JADE3: variants seen among roughly 807,000 people sequenced by gnomAD.
The protein encoded by JADE3 is jade family PHD finger 3.
In JADE3, 2 loss-of-function variants were observed where a neutral mutation model predicts 50.1. That is an observed-to-expected ratio of 0.04 (90% confidence interval 0.02 to 0.13). The LOEUF (loss-of-function observed/expected upper bound fraction) is 0.13. JADE3 is among the 10% of genes least tolerant of loss of function. The probability of loss-of-function intolerance (pLI) is 1.00; values close to 1 mark genes in which losing one functional copy is unlikely to be tolerated. For missense variants in JADE3, 475 were observed against 634.4 expected (o/e 0.75, Z 2.70); for synonymous variants, 218 against 232.9 (o/e 0.94, Z 0.58).
chrX:46,985,749 G>A lies in JADE3; in HGVS notation c.83G>A (p.Arg28Lys). ...TCCTTTACTTCTGGCTCAATGTATA[G>A]GATCAAGTCAAAAATTCCAAATGAA... is the stretch of plus-strand genomic sequence containing the variant. ...STSFTSGSMY[R>K]IKSKIPNEHK... is the part of the protein sequence containing the mutation. Residue 28 changes from arginine (R) to lysine (K), a missense_variant, in exon 3 of 11, where the codon AGG becomes AAG. By Grantham distance (26) the Arg-to-Lys change is conservative (BLOSUM62 2). This residue lies in a region of JADE3 where 31 missense variants were observed against 29.3 expected (regional missense o/e 1.06). Transcript: ENST00000614628. 2 of 1,204,037 alleles carry A rather than the reference G, an allele frequency of 1.7e-6. No homozygotes were observed. Among genetic ancestry groups the A allele is most frequent in the Non-Finnish European group, 2.2e-6 (2 of 888,997 alleles).
rs782605620 is a variant in JADE3, at chrX:47,059,717, A to G, written c.*640A>G. On this transcript the variant is annotated 3_prime_UTR_variant, in exon 11 of 11. Coordinates refer to ENST00000614628, the MANE Select transcript of JADE3 (RefSeq NM_014735.5). ...GCTTGTTGGGGACACACTCATAACT[A>G]TTTCACCTGACTGACAAGCATAAAA... 6 of 111,822 alleles carry G rather than the reference A, an allele frequency of 5.4e-5. No individual in the cohort carries two copies. In the South Asian group the frequency reaches 2.3e-3, roughly 42 times the overall value. 9.2% of individuals were successfully genotyped at this position (111,822 alleles called of 1,213,427 possible). A position where few individuals can be genotyped will look rare whatever the true frequency, so the allele number is the denominator to read the frequency against.
intron 8 of JADE3, among the ~76,000 whole-genome samples, chrX:47,040,954 ACTT>A (rs1413599139): frequency 5.4e-5 from 6 of 111,981 alleles, no homozygotes; most frequent in African/African-American, 9.7e-5. Context: ...AGAATTGGCT[ACTT>A]CTTCTTTTTT....
At chrX:46,982,700 G>T (rs1424707966) in intron 1 of JADE3, among the ~76,000 whole-genome samples, 1 of 110,971 alleles carries the variant, frequency 9.0e-6, no homozygotes, top group Admixed American at 9.6e-5. Flanking sequence ...CTCTTCGGGG[G>T]TACAAGCTTG....
intron 4 of JADE3, among the ~76,000 whole-genome samples, chrX:46,999,375 A>G (rs1319243434): frequency 9.4e-6 from 1 of 106,117 alleles, no homozygotes; most frequent in Non-Finnish European, 1.9e-5. Flanking sequence ...CATTCAAACT[A>G]TAGAAACACC....
chrX:47,036,081 C>T (rs1196689547), intron 7 of JADE3, among the ~76,000 whole-genome samples: 1 of 111,334 alleles, frequency 9.0e-6, no homozygotes, highest in African/African-American at 3.3e-5. Flanking sequence ...GAGGTCGAGG[C>T]TGCAGTGAGC....
At chrX:46,937,820 A>C (rs1365373389) in intron 1 of JADE3, among the ~76,000 whole-genome samples, 2 of 110,952 alleles carry the variant, frequency 1.8e-5, no homozygotes, top group Non-Finnish European at 3.8e-5. Flanking sequence ...ATCTCTATTA[A>C]AAATACAAAA....
intron 9 of JADE3, 55 bp from the exon 10 acceptor site, chrX:47,056,027 G>T: frequency 1.3e-6 from 1 of 762,695 alleles, no homozygotes; most frequent in Non-Finnish European, 2.0e-6. Flanking sequence ...AATTTCAGTT[G>T]TCAGGTTTGC....
chrX:47,046,545 C>T (rs1438658711), intron 8 of JADE3, among the ~76,000 whole-genome samples: 1 of 111,640 alleles, frequency 9.0e-6, no homozygotes, highest in African/African-American at 3.3e-5. Context: ...CCAGTATTAC[C>T]CTGATACCAA....
chrX:46,945,071 G>A (rs1331359886), intron 1 of JADE3, among the ~76,000 whole-genome samples: 1 of 107,059 alleles, frequency 9.3e-6, no homozygotes. Flanking sequence ...GCCCAGGCTA[G>A]TCTCAAACTC....
intron 1 of JADE3, among the ~76,000 whole-genome samples, chrX:46,969,396 A>G (rs1255352211): frequency 4.5e-5 from 5 of 111,936 alleles, no homozygotes; most frequent in Non-Finnish European, 9.4e-5. Context: ...AGCCTGGGCA[A>G]CAGAGTGAGA....
intron 3 of JADE3, among the ~76,000 whole-genome samples, chrX:46,996,738 G>A (rs1602400690): frequency 8.9e-6 from 1 of 111,816 alleles, no homozygotes; most frequent in African/African-American, 3.2e-5. Context: ...CTTGTCAATG[G>A]ACTTAGAGCC....
At chrX:46,991,047 T>TCCCCC (rs1927982991) in intron 3 of JADE3, among the ~76,000 whole-genome samples, 3 of 1,603 alleles carry the variant, frequency 1.9e-3, no homozygotes, top group African/African-American at 3.7e-3. Context: ...CTTCCTTCCC[T>TCCCCC]CCCTCCCTCC....
intron 1 of JADE3, among the ~76,000 whole-genome samples, chrX:46,913,351 C>T (rs963942677): frequency 1.8e-5 from 2 of 111,141 alleles, no homozygotes; most frequent in East Asian, 5.8e-4. Flanking sequence ...GCCCGGCGGG[C>T]TGGCGAACTT....
intron 1 of JADE3, among the ~76,000 whole-genome samples, chrX:46,978,101 G>A (rs1927665872): frequency 8.9e-6 from 1 of 111,996 alleles, no homozygotes; most frequent in South Asian, 3.7e-4. Context: ...CAACAGGGCT[G>A]ACCATGTAAA....
chrX:46,924,387 G>C (rs1367143496), intron 1 of JADE3, among the ~76,000 whole-genome samples: 1 of 112,389 alleles, frequency 8.9e-6, no homozygotes, highest in Non-Finnish European at 1.9e-5. Context: ...CTGCGGGTAT[G>C]AGTATTTCCA....
intron 4 of JADE3, among the ~76,000 whole-genome samples, chrX:47,016,664 G>A (rs1020838542): frequency 2.8e-5 from 3 of 109,036 alleles, no homozygotes; most frequent in Non-Finnish European, 5.7e-5. Flanking sequence ...GATCTACCAC[G>A]TCATAATATT....
At chrX:47,004,004 C>T (rs1928356056) in intron 4 of JADE3, among the ~76,000 whole-genome samples, 1 of 108,161 alleles carries the variant, frequency 9.2e-6, no homozygotes, top group South Asian at 3.9e-4. Flanking sequence ...AAGCTCAGTA[C>T]AACTTCCACC....
intron 1 of JADE3, among the ~76,000 whole-genome samples, chrX:46,966,839 A>G (rs185548720): frequency 4.4e-4 from 49 of 112,362 alleles, no homozygotes; most frequent in Non-Finnish European, 7.9e-4. Flanking sequence ...GTTAACAGAA[A>G]GAAATCCAGC....
chrX:47,021,663 A>C (rs1928796917), intron 4 of JADE3, among the ~76,000 whole-genome samples: 1 of 112,235 alleles, frequency 8.9e-6, no homozygotes, highest in Admixed American at 9.5e-5. Context: ...AGTGATTGTA[A>C]TTTCAGTTTG....
Sources: gnomAD v4.1 joint callset for allele counts (sites outside exome capture counted in the v4.1 genomes callset) on GRCh38, gnomAD v4.1.1 for gene constraint, gnomAD v4.1.1 regional missense constraint, MANE v1.5 for transcripts, NCBI Gene and HGNC (gene_info 2026-07-23, HGNC 2026-07-21) for gene names.